Variants in KCND2 observed in about 807,000 individuals in gnomAD.
KCND2 encodes potassium voltage-gated channel subfamily D member 2.
In KCND2, 16 loss-of-function variants were observed where a neutral mutation model predicts 54.4. The observed-to-expected ratio is 0.29, with a 90% confidence interval of 0.20 to 0.45. KCND2 has a LOEUF of 0.45. Ranked by LOEUF, KCND2 falls within the 20% of genes least tolerant of loss-of-function variation. KCND2 has a pLI of 1.00. For missense variants in KCND2, 486 were observed against 824.2 expected (o/e 0.59, Z 5.02); for synonymous variants, 317 against 310.7 (o/e 1.02, Z -0.21).
intron 1 of KCND2, among the ~76,000 whole-genome samples, chr7:120,727,837 G>A (rs567665815): frequency 1.3e-4 from 19 of 151,908 alleles, no homozygotes; most frequent in Non-Finnish European, 2.4e-4. Context: ...GCAGGGGAGA[G>A]TAGAAAGAGT....
chr7:120,743,736 G>A (rs1584904244), intron 4 of KCND2, among the ~76,000 whole-genome samples: 1 of 152,160 alleles, frequency 6.6e-6, no homozygotes, highest in African/African-American at 2.4e-5. Flanking sequence ...TAATTTAAGA[G>A]TGGTCAGAAG....
intron 1 of KCND2, among the ~76,000 whole-genome samples, chr7:120,327,764 T>A (rs1799999502): frequency 1.3e-5 from 2 of 152,130 alleles, no homozygotes; most frequent in South Asian, 4.1e-4. Context: ...CTTTTTTTTT[T>A]TAGAAAGTTT....
intron 1 of KCND2, among the ~76,000 whole-genome samples, chr7:120,695,346 G>C (rs1324700321): frequency 1.3e-5 from 2 of 152,000 alleles, no homozygotes; most frequent in African/African-American, 4.8e-5. Flanking sequence ...AAGTATGTTT[G>C]TCCTTAATTA....
In KCND2 at chr7:120,672,693, C is replaced by A. The variant is rs187231269; in HGVS notation, c.1116-60210C>A. 3.3e-3 allele frequency among the ~76,000 whole-genome samples: 508 copies of A among 152,158 alleles called. 7 individuals carry two copies. The highest frequency in any genetic ancestry group is 6.0e-3 in the Non-Finnish European group (405 of 67,956). On this transcript the variant is annotated intron_variant, in intron 1 of 5. Transcript: ENST00000331113. Reference sequence around the variant, plus strand: ...ATCAGCAGATCAGATCTGTGATAGGCTGACTTGTGTCTCCCTAGAAATTCA... The same window carrying A: ...ATCAGCAGATCAGATCTGTGATAGGATGACTTGTGTCTCCCTAGAAATTCA...
intron 1 of KCND2, among the ~76,000 whole-genome samples, chr7:120,732,537 T>C (rs978522614): frequency 6.6e-6 from 1 of 152,078 alleles, no homozygotes; most frequent in Non-Finnish European, 1.5e-5. Flanking sequence ...AAGTGGAAAA[T>C]TGTGTTATCC....
chr7:120,701,208 A>G (rs1792396470), intron 1 of KCND2, among the ~76,000 whole-genome samples: 1 of 146,730 alleles, frequency 6.8e-6, no homozygotes, highest in Non-Finnish European at 1.5e-5. Flanking sequence ...TAGCTGGACT[A>G]ATAACCTAGT....
intron 1 of KCND2, among the ~76,000 whole-genome samples, chr7:120,282,201 A>G (rs1046495834): frequency 3.9e-5 from 6 of 152,180 alleles, no homozygotes; most frequent in Admixed American, 6.5e-5. Flanking sequence ...AGTAGCTTAA[A>G]AAGCCCATGG....
At chr7:120,531,045 G>T (rs1258056579) in intron 1 of KCND2, among the ~76,000 whole-genome samples, 2 of 152,058 alleles carry the variant, frequency 1.3e-5, no homozygotes, top group East Asian at 3.9e-4. Flanking sequence ...TATGTGAGCA[G>T]CTGAACAGTG....
At chr7:120,639,384 A>G (rs1173195860) in intron 1 of KCND2, among the ~76,000 whole-genome samples, 2 of 152,134 alleles carry the variant, frequency 1.3e-5, no homozygotes, top group Admixed American at 1.3e-4. Context: ...CTGGTCTTTT[A>G]TAGTGAATAA....
At position 120,310,900 on chromosome 7, in the gene KCND2, C is replaced by T. The variant is rs372431641; in HGVS notation, c.1115+35153C>T. Reference sequence around the variant, plus strand: ...GCAGTGAGCTGAGATTGCCCCACTGCACTCCAGCCTGGGCAACAGAGGGAG... The same window carrying T: ...GCAGTGAGCTGAGATTGCCCCACTGTACTCCAGCCTGGGCAACAGAGGGAG... On this transcript the variant is annotated intron_variant, in intron 1 of 5. Coordinates refer to ENST00000331113, the MANE Select transcript of KCND2 (RefSeq NM_012281.3). 4.9e-4 allele frequency among the ~76,000 whole-genome samples: 71 copies of T among 145,672 alleles called. No individual in the cohort carries two copies. The East Asian group carries it at 0.012, about 25-fold the overall frequency.
At position 120,276,038 on chromosome 7, in the gene KCND2, T is replaced by C. The variant is rs567749246; in HGVS notation, c.1115+291T>C. 1.7e-4 allele frequency among the ~76,000 whole-genome samples: 26 copies of C among 152,156 alleles called. No individual in the cohort carries two copies. The East Asian group carries it at 2.1e-3, about 12-fold the overall frequency. The stretch of plus-strand genomic sequence containing the variant: ...AGTAGTAGCAATATTTATATTAATA[T>C]ATAAAAATATGACAATGAAAAACAA... On this transcript the variant is annotated intron_variant, in intron 1 of 5. Coordinates refer to ENST00000331113, the MANE Select transcript of KCND2 (RefSeq NM_012281.3).
chr7:120,691,429 T>G (rs2116603486), intron 1 of KCND2, among the ~76,000 whole-genome samples: 1 of 152,220 alleles, frequency 6.6e-6, no homozygotes, highest in Middle Eastern at 3.4e-3. Context: ...ATATTTCAGA[T>G]ATTAAGCTGG....
At chr7:120,579,637 TAAATAAATAAAATA>T (rs1469646077) in intron 1 of KCND2, among the ~76,000 whole-genome samples, 1 of 133,372 alleles carries the variant, frequency 7.5e-6, no homozygotes, top group East Asian at 2.1e-4. Flanking sequence ...AATAAATAAA[TAAATAAATAAAATA>T]AAATAAATAA....
At chr7:120,597,419 T>A (rs1240723187) in intron 1 of KCND2, among the ~76,000 whole-genome samples, 1 of 152,190 alleles carries the variant, frequency 6.6e-6, no homozygotes, top group Non-Finnish European at 1.5e-5. Context: ...TTTCATGGAT[T>A]CAATAAATTA....
chr7:120,351,296 T>C (rs988790233), intron 1 of KCND2, among the ~76,000 whole-genome samples: 5 of 145,002 alleles, frequency 3.4e-5, no homozygotes, highest in Admixed American at 2.8e-4. Context: ...TTATATATTA[T>C]GTATCATACA....
intron 1 of KCND2, among the ~76,000 whole-genome samples, chr7:120,396,386 G>A (rs967696898): frequency 6.6e-6 from 1 of 151,944 alleles, no homozygotes; most frequent in Non-Finnish European, 1.5e-5. Context: ...TATGTTAAAT[G>A]TCCATGCCAC....
chr7:120,335,197 T>G (rs1367893541), intron 1 of KCND2, among the ~76,000 whole-genome samples: 1 of 151,886 alleles, frequency 6.6e-6, no homozygotes, highest in Non-Finnish European at 1.5e-5. Context: ...ACCCCGTCTC[T>G]ACTAAAAATA....
In KCND2 at chr7:120,720,490, A is replaced by G. The variant is rs116177001; in HGVS notation, c.1116-12413A>G. ...TTACTAGTGATCCAGATGCCAGCAG[A>G]CTGCATCTCCCAAGCTGGCTTGTCA... is the stretch of plus-strand genomic sequence containing the variant. On this transcript the variant is annotated intron_variant, in intron 1 of 5. Coordinates refer to ENST00000331113, the MANE Select transcript of KCND2 (RefSeq NM_012281.3). Among the ~76,000 whole-genome samples the G allele has an allele frequency of 7.0e-3, 1,060 of 152,222 alleles. 10 individuals carry two copies. The highest frequency in any genetic ancestry group is 0.024 in the African/African-American group (989 of 41,536).
chr7:120,722,424 A>G (rs564383365), intron 1 of KCND2, among the ~76,000 whole-genome samples: 53 of 152,292 alleles, frequency 3.5e-4, no homozygotes, highest in African/African-American at 1.2e-3. Flanking sequence ...CAATACCATC[A>G]TCTCAGTCAG....
Sources: gnomAD v4.1 joint callset for allele counts (sites outside exome capture counted in the v4.1 genomes callset) on GRCh38, gnomAD v4.1.1 for gene constraint, MANE v1.5 for transcripts, NCBI Gene and HGNC (gene_info 2026-07-23, HGNC 2026-07-21) for gene names.